RSPRY1: variants seen among roughly 807,000 people sequenced by gnomAD.
RSPRY1 encodes RING finger and SPRY domain-containing protein 1.
Under a neutral mutation model 73.1 loss-of-function variants are expected in RSPRY1, and 23 were observed. That is an observed-to-expected ratio of 0.31 (90% CI 0.23 to 0.45). The LOEUF (loss-of-function observed/expected upper bound fraction) is 0.45, where lower values mean the gene tolerates loss of function less well. RSPRY1 is among the 20% of genes least tolerant of loss of function. The pLI is 1.00. For synonymous variants in RSPRY1, 226 were observed against 251.4 expected (o/e 0.90, Z 0.95); for missense variants, 448 against 698.7 (o/e 0.64, Z 4.05).
At chr16:57,237,122 G>A (rs1235377831) in intron 14 of RSPRY1, among the ~76,000 whole-genome samples, 15 of 152,120 alleles carry the variant, frequency 9.9e-5, no homozygotes, top group African/African-American at 3.1e-4. Flanking sequence ...AGCAGAGATC[G>A]TGCCACTGCA....
chr16:57,205,875 G>C (rs1308423491), intron 2 of RSPRY1, among the ~76,000 whole-genome samples: 8 of 152,170 alleles, frequency 5.3e-5, no homozygotes, highest in African/African-American at 1.9e-4. Flanking sequence ...CTTAACAGTT[G>C]CTCAGTAGAT....
chr16:57,191,192 C>T (rs531502849), intron 1 of RSPRY1, among the ~76,000 whole-genome samples: 75 of 152,278 alleles, frequency 4.9e-4, no homozygotes, highest in African/African-American at 1.4e-3. Flanking sequence ...GAATTGTTTT[C>T]GCTCTTGTGT....
chr16:57,229,440 C>A (rs1387874812), intron 11 of RSPRY1, among the ~76,000 whole-genome samples: 3 of 151,802 alleles, frequency 2.0e-5, no homozygotes, highest in African/African-American at 7.3e-5. Context: ...CATAATGAGA[C>A]CCCCCATCTC....
intron 10 of RSPRY1, 127 bp downstream of exon 10, chr16:57,221,542 A>ATGG: frequency 1.0e-6 from 1 of 968,926 alleles, no homozygotes; most frequent in Non-Finnish European, 1.5e-6. Context: ...GCAGAGCCAC[A>ATGG]TGGTACCAGG....
chr16:57,199,957 A>G (rs1329012298), intron 1 of RSPRY1, among the ~76,000 whole-genome samples: 18 of 109,278 alleles, frequency 1.6e-4, no homozygotes, highest in Non-Finnish European at 2.6e-4. Context: ...TTTCTCGCAG[A>G]GGGGGATTTG....
chr16:57,201,616 G>A (rs1297436939), intron 1 of RSPRY1, among the ~76,000 whole-genome samples: 3 of 152,238 alleles, frequency 2.0e-5, no homozygotes, highest in Non-Finnish European at 1.5e-5. Context: ...CAGCTGGGGA[G>A]GTGGAGGTTG....
Position 57,239,225 on chromosome 16 carries a change from TC to T in RSPRY1, c.*252del. On this transcript the variant is annotated 3_prime_UTR_variant, in exon 15 of 15. Coordinates refer to ENST00000394420, the MANE Select transcript of RSPRY1 (RefSeq NM_133368.3). The stretch of plus-strand genomic sequence containing the variant: ...TGCTAGCAGCCAGGCCTGTGGTACT[TC>T]CATGAGAAACCATAGCAGACAATGC... 1 of 237,042 alleles carries T rather than the reference TC, an allele frequency of 4.2e-6. No homozygotes were observed. Among genetic ancestry groups the T allele is most frequent in the Non-Finnish European group, 8.2e-6 (1 of 121,772 alleles). 14.7% of individuals were successfully genotyped at this position (237,042 alleles called of 1,614,324 possible).
chr16:57,215,968 G>A, intron 6 of RSPRY1, 139 bp from the exon 7 acceptor site: 1 of 639,478 alleles, frequency 1.6e-6, no homozygotes, highest in South Asian at 1.9e-5. Context: ...GGATAATTGA[G>A]AACTTGAATG....
At chr16:57,205,136 A>C in intron 2 of RSPRY1, 128 bp downstream of exon 2, 1 of 654,024 alleles carries the variant, frequency 1.5e-6, no homozygotes, top group Non-Finnish European at 2.6e-6. Flanking sequence ...GCAAAGGAGA[A>C]TATTTTAATG....
intron 6 of RSPRY1, among the ~76,000 whole-genome samples, chr16:57,215,816 GT>G (rs1455250682): frequency 1.2e-4 from 18 of 152,102 alleles, no homozygotes; most frequent in African/African-American, 4.3e-4. Flanking sequence ...CCTAATGTAA[GT>G]TTTATTAAGT....
intron 14 of RSPRY1, among the ~76,000 whole-genome samples, chr16:57,235,950 T>C (rs555253961): frequency 4.4e-4 from 67 of 152,350 alleles, no homozygotes; most frequent in Non-Finnish European, 7.8e-4. Context: ...TCTACGTTTG[T>C]TGTCTTTTGA....
intron 7 of RSPRY1, chr16:57,216,475 T>G (rs559064785): frequency 2.7e-6 from 1 of 369,694 alleles, no homozygotes; most frequent in Non-Finnish European, 4.9e-6. Context: ...CCCAGCACTT[T>G]GGGAAGCTAA....
chr16:57,190,587 G>GT (rs1291834847), intron 1 of RSPRY1, among the ~76,000 whole-genome samples: 2 of 152,176 alleles, frequency 1.3e-5, no homozygotes, highest in Non-Finnish European at 2.9e-5. Context: ...AATTTGGGTA[G>GT]TTTTTTCCCT....
At chr16:57,210,725 A>G (rs1331808892) in intron 4 of RSPRY1, among the ~76,000 whole-genome samples, 1 of 151,398 alleles carries the variant, frequency 6.6e-6, no homozygotes, top group East Asian at 1.9e-4. Context: ...AAAAAAAAAA[A>G]GAAGCATTTA....
intron 6 of RSPRY1, 89 bp downstream of exon 6, chr16:57,214,035 C>G: frequency 1.2e-6 from 1 of 856,980 alleles, no homozygotes; most frequent in Non-Finnish European, 2.0e-6. Flanking sequence ...GCTGGCATAG[C>G]CACTGGCACA....
At chr16:57,186,486 C>T (rs1371288466) in intron 1 of RSPRY1, 35 bp downstream of exon 1, 1 of 153,286 alleles carries the variant, frequency 6.5e-6, no homozygotes, top group Non-Finnish European at 1.5e-5. Flanking sequence ...TGCTCTGAGC[C>T]CTGGGCACGC....
Position 57,216,992 on chromosome 16 carries a change from A to G in RSPRY1, c.858A>G (p.Lys286=), listed in dbSNP as rs754617043. ...GGGCTAATGATCCTGATTATCTGAA[A>G]CGTCAAGTTGGTTTCTGTGCCCAGT... is the stretch of plus-strand genomic sequence containing the variant. ...ESWANDPDYL[K]RQVGFCAQWS... Residue 286 remains lysine, a synonymous_variant, in exon 8 of 15, where the codon AAA becomes AAG. Coordinates refer to ENST00000394420, the MANE Select transcript of RSPRY1 (RefSeq NM_133368.3). 7.4e-6 allele frequency: 12 copies of G among 1,614,126 alleles called. No individual in the cohort carries two copies. Among genetic ancestry groups the G allele is most frequent in the Non-Finnish European group, 1.0e-5 (12 of 1,180,000 alleles).
chr16:57,197,635 CA>C (rs1450380391), intron 1 of RSPRY1, among the ~76,000 whole-genome samples: 29 of 152,266 alleles, frequency 1.9e-4, no homozygotes, highest in African/African-American at 7.0e-4. Context: ...GAAACTGACT[CA>C]AAACACACTT....
intron 14 of RSPRY1, 75 bp downstream of exon 14, chr16:57,235,303 A>G: frequency 1.9e-6 from 2 of 1,065,070 alleles, no homozygotes; most frequent in Non-Finnish European, 2.9e-6. Context: ...GTCAGGGTTT[A>G]TTGTATCTAA....
Sources: allele counts gnomAD v4.1 joint callset (sites outside exome capture counted in the v4.1 genomes callset), GRCh38; gene constraint gnomAD v4.1.1; transcripts MANE v1.5; gene names NCBI Gene and HGNC (gene_info 2026-07-23, HGNC 2026-07-21).